Variants in GAB2 observed in about 807,000 individuals in gnomAD.
The protein encoded by GAB2 is GRB2 associated binding protein 2.
Under a neutral mutation model 65.5 loss-of-function variants are expected in GAB2, and 26 were observed. The observed-to-expected ratio is 0.40, with a 90% CI of 0.29 to 0.55. GAB2 has a LOEUF of 0.55. GAB2 is among the 20% of genes least tolerant of loss of function. The pLI is 0.53. For missense variants in GAB2, 884 were observed against 875.8 expected, an observed-to-expected ratio of 1.01 and a Z score of -0.12; for synonymous variants, 321 against 329.6, an observed-to-expected ratio of 0.97 and a Z score of 0.28.
At chr11:78,257,433 T>G (rs1865622890) in intron 2 of GAB2, among the ~76,000 whole-genome samples, 1 of 152,250 alleles carries the variant, frequency 6.6e-6, no homozygotes, top group Admixed American at 6.5e-5. Context: ...CTCCTAGCTC[T>G]GTAGCCTTGG....
chr11:78,388,311 G>A (rs986100364), intron 1 of GAB2, among the ~76,000 whole-genome samples: 2 of 152,064 alleles, frequency 1.3e-5, no homozygotes, highest in African/African-American at 2.4e-5. Context: ...TCACAAACAT[G>A]AGCCACTGTG....
chr11:78,417,140 CGGAG>C (rs1857207881), intron 1 of GAB2, among the ~76,000 whole-genome samples: 1 of 152,116 alleles, frequency 6.6e-6, no homozygotes, highest in Non-Finnish European at 1.5e-5. Context: ...CAGCCGCGGA[CGGAG>C]GGAGGCCGGC....
intron 1 of GAB2, among the ~76,000 whole-genome samples, chr11:78,371,025 C>A (rs1856565646): frequency 6.6e-6 from 1 of 152,140 alleles, no homozygotes; most frequent in South Asian, 2.1e-4. Flanking sequence ...GAGACCAAAC[C>A]AGAGCCCCAC....
intron 1 of GAB2, among the ~76,000 whole-genome samples, chr11:78,305,525 T>A (rs1318114883): frequency 6.6e-6 from 1 of 152,166 alleles, no homozygotes; most frequent in Non-Finnish European, 1.5e-5. Flanking sequence ...TGTAACTTTA[T>A]AATCTGGTGT....
At chr11:78,220,480 G>C in intron 8 of GAB2, 36 bp from the exon 9 acceptor site, 5 of 1,535,264 alleles carry the variant, frequency 3.3e-6, no homozygotes, top group Non-Finnish European at 4.4e-6. Flanking sequence ...AGTGACTGCA[G>C]AAAACAGACT....
intron 2 of GAB2, among the ~76,000 whole-genome samples, chr11:78,276,781 A>G (rs1490895422): frequency 6.6e-6 from 1 of 152,160 alleles, no homozygotes; most frequent in Admixed American, 6.5e-5. Flanking sequence ...GATTCAGACA[A>G]TATCTTTTAA....
chr11:78,252,743 C>CTA (rs1865490569), intron 2 of GAB2, among the ~76,000 whole-genome samples: 1 of 152,124 alleles, frequency 6.6e-6, no homozygotes, highest in African/African-American at 2.4e-5. Flanking sequence ...GGACTCCCTG[C>CTA]TATATATCCC....
intron 1 of GAB2, among the ~76,000 whole-genome samples, chr11:78,310,824 G>C (rs774029101): frequency 3.3e-5 from 5 of 152,016 alleles, no homozygotes; most frequent in South Asian, 2.1e-4. Flanking sequence ...CCTGAGCCTC[G>C]TATCACCCAT....
chr11:78,286,404 AC>A (rs1866484164), intron 1 of GAB2, among the ~76,000 whole-genome samples: 1 of 151,614 alleles, frequency 6.6e-6, no homozygotes. Context: ...ACCTGTGCTT[AC>A]CCCACGCTGG....
intron 3 of GAB2, among the ~76,000 whole-genome samples, chr11:78,240,055 C>T (rs771700895): frequency 9.9e-5 from 15 of 152,038 alleles, no homozygotes; most frequent in Non-Finnish European, 1.8e-4. Context: ...CCACCTGCCC[C>T]TCTCCCCACT....
intron 5 of GAB2, 67 bp from the exon 6 acceptor site, chr11:78,223,743 C>T (rs968744051): frequency 2.8e-5 from 38 of 1,349,978 alleles, no homozygotes; most frequent in Middle Eastern, 1.9e-4. Context: ...GGGGGTAAGA[C>T]TTTGTAAATG....
At chr11:78,334,928 A>G (rs1285340706) in intron 1 of GAB2, among the ~76,000 whole-genome samples, 1 of 152,180 alleles carries the variant, frequency 6.6e-6, no homozygotes, top group Non-Finnish European at 1.5e-5. Flanking sequence ...TGTCTTTTGG[A>G]TAAAAGCCAT....
chr11:78,375,624 G>A (rs1370430591), intron 1 of GAB2, among the ~76,000 whole-genome samples: 1 of 152,194 alleles, frequency 6.6e-6, no homozygotes, highest in African/African-American at 2.4e-5. Flanking sequence ...TTACAACTGA[G>A]TTTTAGATCC....
chr11:78,326,121 A>G (rs1855818335), intron 1 of GAB2, among the ~76,000 whole-genome samples: 1 of 152,232 alleles, frequency 6.6e-6, no homozygotes, highest in Non-Finnish European at 1.5e-5. Flanking sequence ...GTAAAGCATC[A>G]TAGTATATTA....
At chr11:78,382,413 C>G (rs1856710024) in intron 1 of GAB2, among the ~76,000 whole-genome samples, 1 of 150,854 alleles carries the variant, frequency 6.6e-6, no homozygotes, top group Non-Finnish European at 1.5e-5. Context: ...GAGTCTCGCT[C>G]TGTCGCCCAG....
rs188536007 is a variant in GAB2 at position 78,328,650 on chromosome 11, C to A, written c.76-47749G>T. 4.6e-5 allele frequency among the ~76,000 whole-genome samples: 7 copies of A among 151,878 alleles called. No individual in the cohort carries two copies. The East Asian group carries it at 1.4e-3, about 29-fold the overall frequency. On this transcript the variant is annotated intron_variant, in intron 1 of 9. Coordinates refer to ENST00000361507, the MANE Select transcript of GAB2 (RefSeq NM_080491.3). The stretch of plus-strand genomic sequence containing the variant: ...TGGATGGATCTCAAAAAGTATTATA[C>A]CAAATGAAAGAAGCCTTACACAAAA...
intron 1 of GAB2, among the ~76,000 whole-genome samples, chr11:78,296,815 T>C (rs1006730558): frequency 1.3e-5 from 2 of 152,190 alleles, no homozygotes; most frequent in Non-Finnish European, 2.9e-5. Flanking sequence ...ACATGAAATT[T>C]ACAGTCCACA....
At chr11:78,412,968 T>C (rs769531718) in intron 1 of GAB2, among the ~76,000 whole-genome samples, 3 of 152,110 alleles carry the variant, frequency 2.0e-5, no homozygotes, top group Non-Finnish European at 2.9e-5. Flanking sequence ...TGGTGACAGA[T>C]TAGATGTGGG....
At chr11:78,282,749 G>C (rs1866369108) in intron 1 of GAB2, among the ~76,000 whole-genome samples, 1 of 152,088 alleles carries the variant, frequency 6.6e-6, no homozygotes, top group Non-Finnish European at 1.5e-5. Context: ...TATACACCCT[G>C]AAGCACTACA....
Sources: allele counts gnomAD v4.1 joint callset (sites outside exome capture counted in the v4.1 genomes callset), GRCh38; gene constraint gnomAD v4.1.1; transcripts MANE v1.5; gene names NCBI Gene and HGNC (gene_info 2026-07-23, HGNC 2026-07-21).